CNTNAP2: variants seen among roughly 807,000 people sequenced by gnomAD.
CNTNAP2 encodes contactin associated protein 2, also known as contactin-associated protein-like 2.
A neutral mutation model predicts 155.2 loss-of-function variants in CNTNAP2; 98 were observed. That is an observed-to-expected ratio of 0.63 (90% CI 0.54 to 0.75). CNTNAP2 has a LOEUF of 0.75. Among genes scored for constraint, CNTNAP2 ranks in the 30% least tolerant of loss-of-function variants. The pLI, the probability that CNTNAP2 is intolerant of heterozygous loss-of-function variation, is 0.00. For missense variants in CNTNAP2, 1,727 were observed against 1,688.1 expected, an observed-to-expected ratio of 1.02 and a Z score of -0.40; for synonymous variants, 651 against 631.2, an observed-to-expected ratio of 1.03 and a Z score of -0.47.
intron 8 of CNTNAP2, among the ~76,000 whole-genome samples, chr7:147,220,532 G>C (rs1265807364): frequency 6.6e-6 from 1 of 152,134 alleles, no homozygotes; most frequent in Non-Finnish European, 1.5e-5. Flanking sequence ...TATACCAATT[G>C]ATATAGTTGA....
intron 3 of CNTNAP2, among the ~76,000 whole-genome samples, chr7:147,026,649 T>G (rs1023217279): frequency 4.0e-5 from 6 of 151,824 alleles, no homozygotes; most frequent in African/African-American, 1.4e-4. Flanking sequence ...CCCAGGATGC[T>G]ATCATGCCTA....
chr7:146,972,816 G>A lies in CNTNAP2; in HGVS notation c.403-71091G>A, dbSNP rs145972428. Among the ~76,000 whole-genome samples the A allele has an allele frequency of 5.5e-3, 842 of 152,220 alleles. 7 individuals carry two copies. Among genetic ancestry groups the A allele is most frequent in the African/African-American group, 0.019 (799 of 41,534 alleles). On this transcript the variant is annotated intron_variant, in intron 3 of 23. Transcript: ENST00000361727. ...ATAGTCATGTTGGATTGGAATATGA[G>A]AGAAAAACTGATTTGGTTGATTTTC...
At chr7:146,208,934 G>C (rs1798992644) in intron 1 of CNTNAP2, 1 of 151,876 alleles carries the variant, frequency 6.6e-6, no homozygotes, top group Non-Finnish European at 1.5e-5. Flanking sequence ...TTCCCAGTCT[G>C]AGTTTCTAAA....
At chr7:147,483,186 C>A (rs1033391599) in intron 10 of CNTNAP2, among the ~76,000 whole-genome samples, 7 of 151,770 alleles carry the variant, frequency 4.6e-5, no homozygotes, top group Non-Finnish European at 8.8e-5. Context: ...ATTTGTGAAT[C>A]CATCAGTGGA....
intron 1 of CNTNAP2, among the ~76,000 whole-genome samples, chr7:146,773,746 G>A (rs1317704681): frequency 6.6e-6 from 1 of 152,124 alleles, no homozygotes; most frequent in Non-Finnish European, 1.5e-5. Flanking sequence ...CTTGATAAGT[G>A]TGCAATATCA....
At chr7:147,933,839 G>A (rs1191366807) in intron 14 of CNTNAP2, among the ~76,000 whole-genome samples, 3 of 151,924 alleles carry the variant, frequency 2.0e-5, no homozygotes, top group African/African-American at 7.3e-5. Flanking sequence ...CTCCAGCCTG[G>A]GCAACAGAGT....
chr7:147,149,155 G>A (rs1801775843), intron 8 of CNTNAP2, among the ~76,000 whole-genome samples: 1 of 152,116 alleles, frequency 6.6e-6, no homozygotes, highest in African/African-American at 2.4e-5. Context: ...TTTATAGAGT[G>A]CTGATTGGCC....
chr7:146,904,715 C>T (rs1472358734), intron 3 of CNTNAP2, among the ~76,000 whole-genome samples: 1 of 152,150 alleles, frequency 6.6e-6, no homozygotes, highest in Non-Finnish European at 1.5e-5. Flanking sequence ...TCGTGATCCG[C>T]CCACCTCGGC....
At chr7:146,889,800 T>G (rs1795740821) in intron 3 of CNTNAP2, among the ~76,000 whole-genome samples, 1 of 152,202 alleles carries the variant, frequency 6.6e-6, no homozygotes, top group African/African-American at 2.4e-5. Context: ...CATGTCTGTC[T>G]TGATCATACT....
chr7:146,849,725 C>T (rs1265774705), intron 3 of CNTNAP2, among the ~76,000 whole-genome samples: 3 of 152,150 alleles, frequency 2.0e-5, no homozygotes, highest in African/African-American at 4.8e-5. Flanking sequence ...TCTTATCGTC[C>T]TCTTGTTTCA....
intron 13 of CNTNAP2, among the ~76,000 whole-genome samples, chr7:147,764,935 T>A (rs1445868426): frequency 2.0e-5 from 3 of 152,150 alleles, no homozygotes; most frequent in Admixed American, 1.3e-4. Context: ...ATAATAAATA[T>A]AAACATAGAG....
At chr7:146,635,723 G>A (rs948956092) in intron 1 of CNTNAP2, among the ~76,000 whole-genome samples, 7 of 151,962 alleles carry the variant, frequency 4.6e-5, no homozygotes, top group African/African-American at 1.5e-4. Flanking sequence ...TGGTGAAGTG[G>A]ATGATATAAG....
intron 13 of CNTNAP2, among the ~76,000 whole-genome samples, chr7:147,801,748 C>A (rs1373706352): frequency 6.6e-6 from 1 of 152,240 alleles, no homozygotes; most frequent in Non-Finnish European, 1.5e-5. Flanking sequence ...CGGCAACCAT[C>A]CGATTTCTCA....
intron 1 of CNTNAP2, among the ~76,000 whole-genome samples, chr7:146,364,187 T>A (rs944262499): frequency 1.9e-4 from 29 of 152,324 alleles, no homozygotes; most frequent in African/African-American, 5.5e-4. Context: ...AGGCAGTGGA[T>A]CTTAGGCTCA....
At chr7:148,369,541 T>A (rs977046647) in intron 21 of CNTNAP2, among the ~76,000 whole-genome samples, 1 of 151,970 alleles carries the variant, frequency 6.6e-6, no homozygotes, top group African/African-American at 2.4e-5. Flanking sequence ...GTTATCATTA[T>A]TAAGCATTCA....
intron 8 of CNTNAP2, among the ~76,000 whole-genome samples, chr7:147,205,055 A>G (rs529034752): frequency 1.3e-5 from 2 of 152,226 alleles, no homozygotes; most frequent in South Asian, 2.1e-4. Flanking sequence ...ATGAAGTTCA[A>G]TATGAATTCA....
rs148288240 is a variant in CNTNAP2, at chr7:147,581,352, T to G, written c.1897+19095T>G. Among the ~76,000 whole-genome samples the G allele has an allele frequency of 4.0e-3, 608 of 152,186 alleles. 6 individuals are homozygous for G. Among genetic ancestry groups the G allele is most frequent in the African/African-American group, 0.014 (580 of 41,460 alleles). On this transcript the variant is annotated intron_variant, in intron 12 of 23. Coordinates refer to ENST00000361727, the MANE Select transcript of CNTNAP2 (RefSeq NM_014141.6). ...CACCAGATTTACATACAAGTAATTTTGGGCTATTGTCACAATTCAAATCTA... is the reference window on the plus strand; with the variant it reads ...CACCAGATTTACATACAAGTAATTTGGGGCTATTGTCACAATTCAAATCTA...
chr7:146,883,774 TA>T (rs1445978819), intron 3 of CNTNAP2, among the ~76,000 whole-genome samples: 1 of 152,134 alleles, frequency 6.6e-6, no homozygotes, highest in Non-Finnish European at 1.5e-5. Flanking sequence ...TATTTTAGTA[TA>T]AAAAATTAGT....
rs541906791 is a variant in CNTNAP2, at chr7:148,306,277, G to A, written c.3475+39151G>A. Among the ~76,000 whole-genome samples, 8 of 152,230 alleles carry A rather than the reference G, an allele frequency of 5.3e-5. No individual in the cohort carries two copies. The South Asian group carries it at 1.7e-3, about 32-fold the overall frequency. On this transcript the variant is annotated intron_variant, in intron 21 of 23. Coordinates refer to ENST00000361727, the MANE Select transcript of CNTNAP2 (RefSeq NM_014141.6). ...TCTTCTTTGTTTTCTGAAATCTCAT[G>A]AATATTATTTGATGTGGGTCTATTT...
Sources: gnomAD v4.1 joint callset for allele counts (sites outside exome capture counted in the v4.1 genomes callset) on GRCh38, gnomAD v4.1.1 for gene constraint, MANE v1.5 for transcripts, NCBI Gene and HGNC (gene_info 2026-07-23, HGNC 2026-07-21) for gene names.